DGAT2: variants seen among roughly 807,000 people sequenced by gnomAD.
The protein encoded by DGAT2 is acyl-CoA retinol O-fatty-acyltransferase.
In DGAT2, 33 loss-of-function variants were observed where a neutral mutation model predicts 48.4. That is an observed-to-expected ratio of 0.68 (90% CI 0.52 to 0.91). The LOEUF (loss-of-function observed/expected upper bound fraction) is 0.91. Among genes scored for constraint, DGAT2 ranks in the 40% least tolerant of loss-of-function variants. The pLI is 0.00. For synonymous variants in DGAT2, 191 were observed against 194.1 expected (o/e 0.98, Z 0.13); for missense variants, 446 against 493.7 (o/e 0.90, Z 0.92).
At chr11:75,788,273 C>G (rs1944944106) in intron 2 of DGAT2, among the ~76,000 whole-genome samples, 1 of 152,182 alleles carries the variant, frequency 6.6e-6, no homozygotes, top group African/African-American at 2.4e-5. Flanking sequence ...AGGCAGACTG[C>G]TGAACAGTAA....
intron 3 of DGAT2, 79 bp downstream of exon 3, chr11:75,790,374 T>C: frequency 8.1e-7 from 1 of 1,238,528 alleles, no homozygotes; most frequent in Non-Finnish European, 1.2e-6. Flanking sequence ...GGCCTCATCC[T>C]GAGTGCTGTT....
chr11:75,800,801 GGAA>G lies in DGAT2; in HGVS notation c.*298_*300del. The G allele has an allele frequency of 3.0e-6, 1 of 338,320 alleles. No individual in the cohort carries two copies. 21.0% of individuals were successfully genotyped at this position (338,320 alleles called of 1,614,324 possible). A position where few individuals can be genotyped will look rare whatever the true frequency, so the allele number is the denominator to read the frequency against. On this transcript the variant is annotated 3_prime_UTR_variant, in exon 8 of 8. Coordinates refer to ENST00000228027, the MANE Select transcript of DGAT2 (RefSeq NM_032564.5). Reference sequence around the variant, plus strand: ...GACAAAGGAAACTCAGTCTTCTTGGGGAAGAAGGATTGCCATTAGTGACTTGGA... The same window carrying G: ...GACAAAGGAAACTCAGTCTTCTTGGGGAAGGATTGCCATTAGTGACTTGGA...
intron 4 of DGAT2, chr11:75,794,045 C>T (rs536844624): frequency 6.6e-6 from 1 of 152,214 alleles, no homozygotes; most frequent in East Asian, 1.9e-4. Context: ...GGTTTTTGAG[C>T]AACTTTAATC....
chr11:75,786,037 G>T (rs1935891235), intron 2 of DGAT2, among the ~76,000 whole-genome samples: 1 of 152,192 alleles, frequency 6.6e-6, no homozygotes, highest in Non-Finnish European at 1.5e-5. Flanking sequence ...CTTTGAGTGG[G>T]GGGATCCATG....
At chr11:75,772,965 G>A (rs2135756906) in intron 1 of DGAT2, among the ~76,000 whole-genome samples, 1 of 152,312 alleles carries the variant, frequency 6.6e-6, no homozygotes, top group Middle Eastern at 3.4e-3. Flanking sequence ...ACTCCAGCGT[G>A]GGTAACAGAG....
chr11:75,796,557 T>C, intron 5 of DGAT2, 25 bp downstream of exon 5: 1 of 1,604,842 alleles, frequency 6.2e-7, no homozygotes, highest in African/African-American at 1.3e-5. Flanking sequence ...CCTGTGCTCC[T>C]GCTGGGCACT....
At chr11:75,773,215 C>T (rs774326214) in intron 1 of DGAT2, among the ~76,000 whole-genome samples, 3 of 152,168 alleles carry the variant, frequency 2.0e-5, no homozygotes, top group Non-Finnish European at 2.9e-5. Flanking sequence ...TTCCTTGGGC[C>T]TCCTCTGTCC....
At chr11:75,785,871 C>T (rs918750624) in intron 2 of DGAT2, among the ~76,000 whole-genome samples, 1 of 152,204 alleles carries the variant, frequency 6.6e-6, no homozygotes, top group Non-Finnish European at 1.5e-5. Context: ...CACAAAGGTT[C>T]ATCAACTACC....
intron 2 of DGAT2, among the ~76,000 whole-genome samples, 163 bp from the exon 3 acceptor site, chr11:75,790,025 G>A (rs1363594306): frequency 6.6e-6 from 1 of 152,174 alleles, no homozygotes; most frequent in Non-Finnish European, 1.5e-5. Flanking sequence ...GCTCCTACCT[G>A]GGCTGAACAT....
At chr11:75,796,049 G>A (rs989876062) in intron 4 of DGAT2, 1 of 425,212 alleles carries the variant, frequency 2.4e-6, no homozygotes, top group Non-Finnish European at 4.3e-6. Context: ...CTGGCAGAGT[G>A]CAAAGAAGAG....
chr11:75,798,485 T>C, intron 7 of DGAT2, 56 bp downstream of exon 7: 1 of 1,580,848 alleles, frequency 6.3e-7, no homozygotes, highest in East Asian at 2.3e-5. Context: ...GCCATACAGC[T>C]AATCAGCAGT....
chr11:75,795,521 G>A (rs1003188560), intron 4 of DGAT2: 1 of 152,402 alleles, frequency 6.6e-6, no homozygotes, highest in African/African-American at 2.4e-5. Context: ...AGGGCAGGAG[G>A]TGGGCCCTGA....
chr11:75,769,119 G>A lies in DGAT2; in HGVS notation c.121+7G>A. The A allele has an allele frequency of 6.4e-7, 1 of 1,562,454 alleles. No individual in the cohort carries two copies. Among genetic ancestry groups the A allele is most frequent in the East Asian group, 2.5e-5 (1 of 40,138 alleles). The stretch of plus-strand genomic sequence containing the variant: ...GAGGGGTCTGGGAGATGGGGTGAGT[G>A]CCACGGCGCAGGGGTTATGGACCTG... On this transcript the variant is annotated splice_region_variant and intron_variant, in intron 1 of 7. Coordinates refer to ENST00000228027, the MANE Select transcript of DGAT2 (RefSeq NM_032564.5).
rs752149650 is a variant in DGAT2, at chr11:75,800,869, G to A, written c.*361G>A. On this transcript the variant is annotated 3_prime_UTR_variant, in exon 8 of 8. Coordinates refer to ENST00000228027, the MANE Select transcript of DGAT2 (RefSeq NM_032564.5). ...CACTTTTTGCCCCTAGGGATGAGAGGCGAAAGCCACTTCTCATACAAGCCC... is the reference window on the plus strand; with the variant it reads ...CACTTTTTGCCCCTAGGGATGAGAGACGAAAGCCACTTCTCATACAAGCCC... The A allele has an allele frequency of 2.7e-5, 6 of 225,782 alleles. No individual in the cohort carries two copies. Among genetic ancestry groups the A allele is most frequent in the Non-Finnish European group, 5.3e-5 (6 of 113,328 alleles). The allele number at this position is 225,782 out of a possible 1,614,324, so 14.0% of individuals were successfully genotyped here.
At chr11:75,772,146 TG>T (rs1274609979) in intron 1 of DGAT2, among the ~76,000 whole-genome samples, 1 of 152,054 alleles carries the variant, frequency 6.6e-6, no homozygotes, top group Non-Finnish European at 1.5e-5. Flanking sequence ...GCTGAATGAG[TG>T]AAGGTTGTCT....
chr11:75,784,915 C>G (rs1247508396), intron 2 of DGAT2, among the ~76,000 whole-genome samples, 169 bp downstream of exon 2: 1 of 152,150 alleles, frequency 6.6e-6, no homozygotes, highest in Non-Finnish European at 1.5e-5. Context: ...ATCAAGTGCT[C>G]TACCCCTCAG....
chr11:75,785,868 G>A (rs1219265734), intron 2 of DGAT2, among the ~76,000 whole-genome samples: 1 of 152,184 alleles, frequency 6.6e-6, no homozygotes, highest in Non-Finnish European at 1.5e-5. Context: ...ATTCACAAAG[G>A]TTCATCAACT....
chr11:75,796,527 C>A lies in DGAT2; in HGVS notation c.629C>A (p.Ser210Tyr). 6.2e-7 allele frequency: 1 copy of A among 1,612,022 alleles called. No individual in the cohort carries two copies. The highest frequency in any genetic ancestry group is 1.7e-5 in the Admixed American group (1 of 59,988). Residue 210 changes from serine to tyrosine, a missense_variant, in exon 5 of 8, where the codon TCT (serine) becomes TAT (tyrosine). Ser to Tyr is a moderately radical substitution (Grantham distance 144). Coordinates refer to ENST00000228027, the MANE Select transcript of DGAT2 (RefSeq NM_032564.5). Reference protein sequence around the residue: ...RMPVLREYLMSGGICPVSRDT... With the variant: ...RMPVLREYLMYGGICPVSRDT... The stretch of plus-strand genomic sequence containing the variant: ...CCTGTGTTGAGGGAGTACCTGATGT[C>A]TGGAGGTAAGAATCCACCCCCTGTG...
chr11:75,781,739 T>G (rs1451684681), intron 1 of DGAT2, among the ~76,000 whole-genome samples: 1 of 152,038 alleles, frequency 6.6e-6, no homozygotes, highest in African/African-American at 2.4e-5. Flanking sequence ...GAACCAGCAG[T>G]GTGGGAAAAG....
Sources: gnomAD v4.1 joint callset for allele counts (sites outside exome capture counted in the v4.1 genomes callset) on GRCh38, gnomAD v4.1.1 for gene constraint, MANE v1.5 for transcripts, NCBI Gene and HGNC (gene_info 2026-07-23, HGNC 2026-07-21) for gene names.